Variants in PTPRU observed in about 807,000 individuals in gnomAD.
PTPRU encodes receptor-type tyrosine-protein phosphatase U.
A neutral mutation model predicts 166.3 loss-of-function variants in PTPRU; 69 were observed. That is an observed-to-expected ratio of 0.41 (90% confidence interval 0.34 to 0.51). The LOEUF is 0.51. Among genes scored for constraint, PTPRU ranks in the 20% least tolerant of loss-of-function variants. The pLI, the probability that PTPRU is intolerant of heterozygous loss-of-function variation, is 0.09. For missense variants in PTPRU, 1,657 were observed against 2,013.7 expected (o/e 0.82, Z 3.39); for synonymous variants, 793 against 814.0 (o/e 0.97, Z 0.44).
Position 29,323,637 on chromosome 1 carries a change from G to A in PTPRU, c.3961G>A (p.Glu1321Lys). Residue 1321 changes from glutamate to lysine, a missense_variant, in exon 28 of 30, where the codon GAG (glutamate) becomes AAG (lysine). By Grantham distance (56) the Glu-to-Lys change is moderately conservative. This residue lies in a region of PTPRU where 1,190 missense variants were observed against 1,477.4 expected (regional missense o/e 0.81). Transcript: ENST00000373779. ...TGGCTGCCCCTGTCCCCAGTTGCAG[G>A]AGGGGCACCTGCTGGTGCGGCACTT... ...FRVQNISRLQEGHLLVRHFQF... is the reference protein window; with the variant it reads ...FRVQNISRLQKGHLLVRHFQF... 6.2e-7 allele frequency: 1 copy of A among 1,614,060 alleles called. No homozygotes were observed. Among genetic ancestry groups the A allele is most frequent in the Non-Finnish European group, 8.5e-7 (1 of 1,179,962 alleles).
intron 15 of PTPRU, among the ~76,000 whole-genome samples, chr1:29,300,096 T>C (rs1273064923): frequency 6.6e-6 from 1 of 152,198 alleles, no homozygotes; most frequent in African/African-American, 2.4e-5. Flanking sequence ...AATATTTACA[T>C]CATCATATTG....
At position 29,260,713 on chromosome 1, in the gene PTPRU, G is replaced by C; in HGVS notation, c.954G>C (p.Val318=). Residue 318 remains valine, a synonymous_variant, in exon 7 of 30, where the codon GTG becomes GTC. Transcript: ENST00000373779. The surrounding 1 kb of genome is among the most constrained non-coding windows in gnomAD (Gnocchi z 8.3). ...TNSIIGDGPI[V]RKEIEYRMAR... is the part of the protein sequence containing the mutation. The stretch of plus-strand genomic sequence containing the variant: ...CCATCATTGGCGACGGGCCGATCGT[G>C]CGCAAGGAGATTGAGTACCGCATGG... 6.2e-7 allele frequency: 1 copy of C among 1,601,466 alleles called. No individual in the cohort carries two copies. Among genetic ancestry groups the C allele is most frequent in the Non-Finnish European group, 8.5e-7 (1 of 1,173,302 alleles).
intron 1 of PTPRU, among the ~76,000 whole-genome samples, chr1:29,245,163 C>A (rs777161238): frequency 7.9e-5 from 12 of 152,216 alleles, no homozygotes; most frequent in Admixed American, 1.3e-4. Context: ...GCTTTACCAG[C>A]AGAATTTGAA....
intron 1 of PTPRU, among the ~76,000 whole-genome samples, chr1:29,239,719 C>G (rs1194186189): frequency 2.0e-5 from 3 of 152,022 alleles, no homozygotes; most frequent in African/African-American, 7.3e-5. Context: ...TCCTAGTTGC[C>G]CTCCTGCATC....
intron 15 of PTPRU, among the ~76,000 whole-genome samples, chr1:29,292,844 C>T (rs1366440710): frequency 2.2e-5 from 3 of 138,728 alleles, no homozygotes; most frequent in Admixed American, 7.6e-5. Flanking sequence ...GAGATGGAGT[C>T]TCACTCTATC....
intron 7 of PTPRU, among the ~76,000 whole-genome samples, chr1:29,264,330 TTTG>T (rs1179785909): frequency 6.6e-6 from 1 of 152,166 alleles, no homozygotes; most frequent in Non-Finnish European, 1.5e-5. Flanking sequence ...ATTTTTTTCT[TTTG>T]TTGTTTGTGC....
rs1683813734 is a variant in PTPRU, at chr1:29,237,316, G to A, written c.73+599G>A. On this transcript the variant is annotated intron_variant, in intron 1 of 29. Transcript: ENST00000373779. The surrounding 1 kb of genome is among the most constrained non-coding windows in gnomAD (Gnocchi z 6.4). ...GTGTGTCCGTGCGCTGTGTACGTGTGGGGAGTGTCTAGGGTATGTGGTGTG... is the reference window on the plus strand; with the variant it reads ...GTGTGTCCGTGCGCTGTGTACGTGTAGGGAGTGTCTAGGGTATGTGGTGTG... Among the ~76,000 whole-genome samples the A allele has an allele frequency of 6.6e-6, 1 of 152,108 alleles. No homozygotes were observed. Among genetic ancestry groups the A allele is most frequent in the Admixed American group, 6.5e-5 (1 of 15,270 alleles).
Position 29,311,590 on chromosome 1 carries a change from A to G in PTPRU, c.2955+37A>G. ...TGTGGGGCGAGCTGGGGCGCATGGC[A>G]GGCCAAGGGGGCAGCAAAGAGCCCA... On this transcript the variant is annotated intron_variant, in intron 20 of 29. Transcript: ENST00000373779. The surrounding 1 kb of genome is among the most constrained non-coding windows in gnomAD (Gnocchi z 4.1). The G allele has an allele frequency of 6.2e-7, 1 of 1,614,106 alleles. No individual in the cohort carries two copies.
chr1:29,253,601 G>T (rs1239673597), intron 1 of PTPRU, among the ~76,000 whole-genome samples: 2 of 151,580 alleles, frequency 1.3e-5, no homozygotes, highest in African/African-American at 4.8e-5. Context: ...AGTAATTGCT[G>T]TTTTTGCCAT....
rs1038370865 is a variant in PTPRU, at chr1:29,249,696, T to C, written c.74-5579T>C. ...CCTGGAAGGGGACTTGAGGCCCCTG[T>C]CCTCACCAGTTTCTGACATCTGACT... On this transcript the variant is annotated intron_variant, in intron 1 of 29. Coordinates refer to ENST00000373779, the MANE Select transcript of PTPRU (RefSeq NM_133178.4). 5.6e-4 allele frequency among the ~76,000 whole-genome samples: 86 copies of C among 152,308 alleles called. 1 individual carries two copies. Among genetic ancestry groups the C allele is most frequent in the Middle Eastern group, 6.8e-3 (2 of 294 alleles).
intron 14 of PTPRU, 121 bp downstream of exon 14, chr1:29,284,990 C>A: frequency 7.6e-7 from 1 of 1,318,054 alleles, no homozygotes; most frequent in Non-Finnish European, 1.0e-6. Context: ...GGAGGGCTGC[C>A]AGCCTGGGCA....
intron 11 of PTPRU, among the ~76,000 whole-genome samples, chr1:29,281,438 C>T (rs147862084): frequency 6.0e-4 from 92 of 152,164 alleles, no homozygotes; most frequent in African/African-American, 2.2e-3. Flanking sequence ...GGTCAGGGTC[C>T]CTCAGGATGA....
rs1687664823 is a variant in PTPRU at position 29,311,634 on chromosome 1, G to A, written c.2956-9G>A. ...GAGCCCACTGAGTCCCGTCCTGTGG[G>A]GCCTCTAGGTGAAATGCTCACGGTA... On this transcript the variant is annotated splice_polypyrimidine_tract_variant and intron_variant, in intron 20 of 29. Transcript: ENST00000373779. The surrounding 1 kb of genome is among the most constrained non-coding windows in gnomAD (Gnocchi z 4.1). The A allele has an allele frequency of 6.2e-7, 1 of 1,613,972 alleles. No homozygotes were observed. Among genetic ancestry groups the A allele is most frequent in the African/African-American group, 1.3e-5 (1 of 74,932 alleles).
At chr1:29,251,694 A>G (rs1168370480) in intron 1 of PTPRU, among the ~76,000 whole-genome samples, 10 of 152,174 alleles carry the variant, frequency 6.6e-5, no homozygotes, top group Non-Finnish European at 1.5e-4. Context: ...AACAAGAGGA[A>G]GCCAAGGGGC....
In PTPRU at chr1:29,255,334, C is replaced by T. The variant is rs1684730439; in HGVS notation, c.133C>T (p.Gln45Ter). 6.2e-7 allele frequency: 1 copy of T among 1,614,042 alleles called. No homozygotes were observed. The highest frequency in any genetic ancestry group is 1.7e-5 in the Admixed American group (1 of 60,006). The change falls in exon 2 of 30, where the codon CAG becomes TAG. Residue 45 changes from glutamine to a stop codon, truncating the protein, a stop_gained. Transcript: ENST00000373779. LOFTEE classifies it high-confidence loss of function. The stretch of plus-strand genomic sequence containing the variant: ...AGTGCCCTGCGAGTACAGCCAGGCC[C>T]AGTACGATGACTTCCAGTGGGAGCA... Reference protein sequence around the residue: ...PAVPCEYSQAQYDDFQWEQVR... With the variant: ...PAVPCEYSQA
Position 29,288,333 on chromosome 1 carries a change from G to A in PTPRU, c.2318+3464G>A, listed in dbSNP as rs887271449. On this transcript the variant is annotated intron_variant, in intron 14 of 29. Transcript: ENST00000373779. ...AGAGCCTGGCATGAAATTAGAAAAA[G>A]CACAAATGGAAGAGATAATTGCAAA... Among the ~76,000 whole-genome samples the A allele has an allele frequency of 3.9e-5, 6 of 152,224 alleles. No homozygotes were observed. The East Asian group carries it at 7.7e-4, about 20-fold the overall frequency.
At chr1:29,313,202 C>A (rs1398150059) in intron 22 of PTPRU, among the ~76,000 whole-genome samples, 2 of 152,182 alleles carry the variant, frequency 1.3e-5, no homozygotes, top group Non-Finnish European at 2.9e-5. Flanking sequence ...GGCTCCACAT[C>A]TTTCTCTTGC....
Position 29,280,545 on chromosome 1 carries a change from A to C in PTPRU, c.1868+404A>C, listed in dbSNP as rs1348952491. ...CAGCCAGATAGGGCCATCTCTCTGG[A>C]ATGGCTAGGAGCTTGGCTTCTCCAC... On this transcript the variant is annotated intron_variant, in intron 11 of 29. Transcript: ENST00000373779. This position sits in a 1 kb window ranked among gnomAD's most constrained non-coding sequence, Gnocchi z 4.2. 6.6e-6 allele frequency among the ~76,000 whole-genome samples: 1 copy of C among 152,064 alleles called. No homozygotes were observed. The highest frequency in any genetic ancestry group is 6.5e-5 in the Admixed American group (1 of 15,280).
At chr1:29,252,254 G>A (rs1379682322) in intron 1 of PTPRU, among the ~76,000 whole-genome samples, 4 of 137,750 alleles carry the variant, frequency 2.9e-5, no homozygotes, top group Non-Finnish European at 6.1e-5. Flanking sequence ...TTCTGGGTGT[G>A]TTTTTCTTTT....
Sources: allele counts gnomAD v4.1 joint callset (sites outside exome capture counted in the v4.1 genomes callset), GRCh38; gene constraint gnomAD v4.1.1; regional missense constraint gnomAD v4.1.1; non-coding constraint Gnocchi (gnomAD v3.1); transcripts MANE v1.5; gene names NCBI Gene and HGNC (gene_info 2026-07-23, HGNC 2026-07-21).